Variants in TRIR observed in about 807,000 individuals in gnomAD.
The protein encoded by TRIR is telomerase RNA component-interacting RNase.
A neutral mutation model predicts 18.2 loss-of-function variants in TRIR; 5 were observed. The observed-to-expected ratio is 0.27, with a 90% CI of 0.14 to 0.58. TRIR has a LOEUF of 0.58. Ranked by LOEUF, TRIR falls within the 20% of genes least tolerant of loss-of-function variation. The pLI, the probability that TRIR is intolerant of heterozygous loss-of-function variation, is 0.91. For synonymous variants in TRIR, 134 were observed against 114.4 expected (o/e 1.17, Z -1.10); for missense variants, 206 against 252.8 (o/e 0.81, Z 1.25).
Position 12,731,595 on chromosome 19 carries a change from G to A in TRIR, c.346-174C>T, listed in dbSNP as rs757943852. ...CAGAGAGGAGCACACGCGACTCAGCGCCTGCCCTGGGCCCGCGGTGCCCTC... is the reference window on the plus strand; with the variant it reads ...CAGAGAGGAGCACACGCGACTCAGCACCTGCCCTGGGCCCGCGGTGCCCTC... On this transcript the variant is annotated intron_variant, in intron 1 of 2. Coordinates refer to ENST00000242784, the MANE Select transcript of TRIR (RefSeq NM_024038.4). This position sits in a 1 kb window ranked among gnomAD's most constrained non-coding sequence, Gnocchi z 5.1. 3.1e-5 allele frequency: 20 copies of A among 653,656 alleles called. No individual in the cohort carries two copies. Among genetic ancestry groups the A allele is most frequent in the South Asian group, 5.8e-5 (3 of 51,834 alleles). 40.5% of individuals were successfully genotyped at this position (653,656 alleles called of 1,614,324 possible).
In TRIR at chr19:12,730,747, G is replaced by A. The variant is rs1336427297; in HGVS notation, c.*214C>T. Reference sequence around the variant, plus strand: ...GCCAGAGAGAATGAGGAGGTGAGAAGGGGGGGACAGTAAACCACTGTTCTA... The same window carrying A: ...GCCAGAGAGAATGAGGAGGTGAGAAAGGGGGGACAGTAAACCACTGTTCTA... On this transcript the variant is annotated 3_prime_UTR_variant, in exon 3 of 3. Coordinates refer to ENST00000242784, the MANE Select transcript of TRIR (RefSeq NM_024038.4). 8.5e-6 allele frequency: 5 copies of A among 588,472 alleles called. No homozygotes were observed. In the East Asian group the frequency reaches 1.4e-4, roughly 17 times the overall value. The allele number at this position is 588,472 out of a possible 1,614,324, so 36.5% of individuals were successfully genotyped here.
intron 1 of TRIR, among the ~76,000 whole-genome samples, chr19:12,732,496 A>C (rs1013984228): frequency 6.6e-6 from 1 of 151,608 alleles, no homozygotes. Flanking sequence ...CCTGTATCCC[A>C]CCTTCTCCCA....
In TRIR at chr19:12,734,515, C is replaced by T. The variant is rs1257343547; in HGVS notation, c.143G>A (p.Gly48Asp). 3 of 1,536,346 alleles carry T rather than the reference C, an allele frequency of 2.0e-6. No individual in the cohort carries two copies. Among genetic ancestry groups the T allele is most frequent in the East Asian group, 5.1e-5 (2 of 39,380 alleles). Residue 48 changes from glycine to aspartate, a missense_variant, in exon 1 of 3, where the codon GGT (glycine) becomes GAT (aspartate). Gly to Asp is a moderately conservative substitution (Grantham distance 94). Around this residue, in one of 2 missense-constraint regions of TRIR, gnomAD observed 172 missense variants for 165.0 expected, o/e 1.04. Transcript: ENST00000242784. This position sits in a 1 kb window ranked among gnomAD's most constrained non-coding sequence, Gnocchi z 4.1. ...CACGCCGCCCGACACCGGGCTCGAA[C>T]CCGCGCCCGACACCTCCTCGTCCCC... The part of the protein sequence containing the change: ...ESGDEEVSGA[G>D]SSPVSGGVNL...
At chr19:12,733,601 G>A (rs1967474165) in intron 1 of TRIR, among the ~76,000 whole-genome samples, 2 of 152,150 alleles carry the variant, frequency 1.3e-5, no homozygotes, top group South Asian at 4.1e-4. Context: ...AAATGTGGGG[G>A]TGGAGGGAAC....
At chr19:12,732,536 C>T (rs1275933818) in intron 1 of TRIR, among the ~76,000 whole-genome samples, 2 of 152,104 alleles carry the variant, frequency 1.3e-5, no homozygotes, top group East Asian at 3.8e-4. Flanking sequence ...GCTCCAGGGG[C>T]TCCAACAGTC....
chr19:12,732,801 G>A (rs1967460141), intron 1 of TRIR, among the ~76,000 whole-genome samples: 1 of 152,072 alleles, frequency 6.6e-6, no homozygotes, highest in African/African-American at 2.4e-5. Flanking sequence ...CGTTGGCCAG[G>A]CTGGTCTTGA....
chr19:12,730,784 G>A lies in TRIR; in HGVS notation c.*177C>T, dbSNP rs760479556. ...AAACCACTGTTCTATGAAGTCTCAC[G>A]AGGCAAGTGCTCAAGGTAAAAAAAG... On this transcript the variant is annotated 3_prime_UTR_variant, in exon 3 of 3. Coordinates refer to ENST00000242784, the MANE Select transcript of TRIR (RefSeq NM_024038.4). The A allele has an allele frequency of 1.9e-5, 12 of 620,760 alleles. No homozygotes were observed. Among genetic ancestry groups the A allele is most frequent in the Middle Eastern group, 4.4e-4 (1 of 2,290 alleles). 38.5% of individuals were successfully genotyped at this position (620,760 alleles called of 1,614,324 possible).
At chr19:12,733,082 T>C (rs1370678470) in intron 1 of TRIR, among the ~76,000 whole-genome samples, 1 of 151,884 alleles carries the variant, frequency 6.6e-6, no homozygotes, top group Non-Finnish European at 1.5e-5. Context: ...ATTTTTTAAT[T>C]TTTTTTTGTA....
rs1967420753 is a variant in TRIR, at chr19:12,731,158, C to G, written c.424-90G>C. On this transcript the variant is annotated intron_variant, in intron 2 of 2. Coordinates refer to ENST00000242784, the MANE Select transcript of TRIR (RefSeq NM_024038.4). The surrounding 1 kb of genome is among the most constrained non-coding windows in gnomAD (Gnocchi z 5.1). Reference sequence around the variant, plus strand: ...CAGGTGACCCATTCCCAGTGTCACCCAGAAGACTCTGGGTTTGAGCTGAAG... The same window carrying G: ...CAGGTGACCCATTCCCAGTGTCACCGAGAAGACTCTGGGTTTGAGCTGAAG... The G allele has an allele frequency of 3.8e-6, 5 of 1,313,096 alleles. No homozygotes were observed. The Admixed American group carries it at 6.8e-5, about 18-fold the overall frequency. The allele number at this position is 1,313,096 out of a possible 1,614,324, so 81.3% of individuals were successfully genotyped here.
Position 12,734,625 on chromosome 19 carries a change from C to T in TRIR, c.33G>A (p.Gln11=), listed in dbSNP as rs1265074918. 6 of 1,514,824 alleles carry T rather than the reference C, an allele frequency of 4.0e-6. No individual in the cohort carries two copies. The South Asian group carries it at 6.1e-5, about 15-fold the overall frequency. The allele number at this position is 1,514,824 out of a possible 1,614,324, so 93.8% of individuals were successfully genotyped here. MAARGRRAEP[Q]GREAPGPAGG... ...CCGCGGGGCCCGGAGCCTCCCGGCC[C>T]TGAGGCTCCGCCCGTCTCCCTCGGG... Residue 11 remains glutamine, a synonymous_variant, in exon 1 of 3, where the codon CAG becomes CAA. Transcript: ENST00000242784. This position sits in a 1 kb window ranked among gnomAD's most constrained non-coding sequence, Gnocchi z 4.1.
At chr19:12,732,785 T>G (rs1967459680) in intron 1 of TRIR, among the ~76,000 whole-genome samples, 2 of 152,140 alleles carry the variant, frequency 1.3e-5, no homozygotes, top group African/African-American at 4.8e-5. Context: ...AGTCAGGGTT[T>G]CACCACGTTG....
At position 12,731,253 on chromosome 19, in the gene TRIR, C is replaced by T; in HGVS notation, c.423+91G>A. Reference sequence around the variant, plus strand: ...CCCTGCCAGGCACACTCATAAAAGGCCTGGATACCAGACAGGGAGGGAGAA... The same window carrying T: ...CCCTGCCAGGCACACTCATAAAAGGTCTGGATACCAGACAGGGAGGGAGAA... On this transcript the variant is annotated intron_variant, in intron 2 of 2. Transcript: ENST00000242784. This position sits in a 1 kb window ranked among gnomAD's most constrained non-coding sequence, Gnocchi z 5.1. The T allele has an allele frequency of 1.3e-6, 2 of 1,493,244 alleles. No homozygotes were observed. Among genetic ancestry groups the T allele is most frequent in the Non-Finnish European group, 1.9e-6 (2 of 1,074,244 alleles). The allele number at this position is 1,493,244 out of a possible 1,614,324, so 92.5% of individuals were successfully genotyped here.
At chr19:12,732,561 G>C (rs986372449) in intron 1 of TRIR, among the ~76,000 whole-genome samples, 7 of 151,974 alleles carry the variant, frequency 4.6e-5, no homozygotes, top group African/African-American at 1.7e-4. Context: ...CAGACAACCA[G>C]GCATTCAGTA....
intron 1 of TRIR, among the ~76,000 whole-genome samples, chr19:12,732,740 C>T (rs1967458281): frequency 6.6e-6 from 1 of 152,082 alleles, no homozygotes; most frequent in Admixed American, 6.6e-5. Context: ...CAGGTATGCA[C>T]CACCATGCCT....
In TRIR at chr19:12,734,381, G is replaced by T; in HGVS notation, c.277C>A (p.Gln93Lys). The T allele has an allele frequency of 2.0e-6, 3 of 1,494,614 alleles. No homozygotes were observed. The highest frequency in any genetic ancestry group is 2.7e-6 in the Non-Finnish European group (3 of 1,123,208). 92.6% of individuals were successfully genotyped at this position (1,494,614 alleles called of 1,614,324 possible). A position where few individuals can be genotyped will look rare whatever the true frequency, so the allele number is the denominator to read the frequency against. The stretch of plus-strand genomic sequence containing the variant: ...CCGGGGCCAGCGGCGGCGGCCGACT[G>T]GTCGGGTCGCTGCGGACCCGGGGGC... ...EPPPGPQRPD[Q>K]SAAAAGPGDP... The change falls in exon 1 of 3, where the codon CAG (glutamine) becomes AAG (lysine). Residue 93 changes from glutamine to lysine, a missense_variant. By Grantham distance (53) the Gln-to-Lys change is moderately conservative. Around this residue, in one of 2 missense-constraint regions of TRIR, gnomAD observed 172 missense variants for 165.0 expected, o/e 1.04. Transcript: ENST00000242784. The surrounding 1 kb of genome is among the most constrained non-coding windows in gnomAD (Gnocchi z 4.1).
Position 12,734,185 on chromosome 19 carries a change from CG to C in TRIR, c.345+127del. ...GGGAATCCAAGTTCCACACCCTCAG[CG>C]GGTGACCCGGACGGGCCCCTCATTC... On this transcript the variant is annotated intron_variant, in intron 1 of 2. Coordinates refer to ENST00000242784, the MANE Select transcript of TRIR (RefSeq NM_024038.4). This position sits in a 1 kb window ranked among gnomAD's most constrained non-coding sequence, Gnocchi z 4.1. The C allele has an allele frequency of 3.1e-6, 3 of 978,616 alleles. No homozygotes were observed. Among genetic ancestry groups the C allele is most frequent in the Non-Finnish European group, 4.2e-6 (3 of 713,424 alleles). The allele number at this position is 978,616 out of a possible 1,614,324, so 60.6% of individuals were successfully genotyped here. A position where few individuals can be genotyped will look rare whatever the true frequency, so the allele number is the denominator to read the frequency against.
chr19:12,734,364 AGCG>A lies in TRIR; in HGVS notation c.291_293del (p.Ala98del). On this transcript the variant is annotated inframe_deletion, in exon 1 of 3. Coordinates refer to ENST00000242784, the MANE Select transcript of TRIR (RefSeq NM_024038.4). The surrounding 1 kb of genome is among the most constrained non-coding windows in gnomAD (Gnocchi z 4.1). ...CCTTCCTCTTCGGATCCCCGGGGCC[AGCG>A]GCGGCGGCCGACTGGTCGGGTCGCT... 6.8e-7 allele frequency: 1 copy of A among 1,473,204 alleles called. No homozygotes were observed. Among genetic ancestry groups the A allele is most frequent in the Admixed American group, 2.5e-5 (1 of 40,482 alleles). The allele number at this position is 1,473,204 out of a possible 1,614,324, so 91.3% of individuals were successfully genotyped here. A position where few individuals can be genotyped will look rare whatever the true frequency, so the allele number is the denominator to read the frequency against.
intron 1 of TRIR, among the ~76,000 whole-genome samples, chr19:12,733,940 G>C (rs1381695589): frequency 1.3e-5 from 2 of 152,222 alleles, no homozygotes; most frequent in East Asian, 3.8e-4. Flanking sequence ...CGTGGTCTGA[G>C]TCTAACACAT....
chr19:12,731,056 T>G lies in TRIR; in HGVS notation c.436A>C (p.Lys146Gln). 12 of 1,613,660 alleles carry G rather than the reference T, an allele frequency of 7.4e-6. No individual in the cohort carries two copies. The highest frequency in any genetic ancestry group is 1.0e-5 in the Non-Finnish European group (12 of 1,179,662). Residue 146 changes from lysine (K) to glutamine (Q), a missense_variant, in exon 3 of 3, where the codon AAA (lysine) becomes CAA (glutamine). Lys to Gln is a moderately conservative substitution (Grantham distance 53, BLOSUM62 1). Around this residue, in one of 2 missense-constraint regions of TRIR, gnomAD observed 34 missense variants for 87.8 expected, o/e 0.39. Coordinates refer to ENST00000242784, the MANE Select transcript of TRIR (RefSeq NM_024038.4). This position sits in a 1 kb window ranked among gnomAD's most constrained non-coding sequence, Gnocchi z 5.1. ...QKTEDEVLTS[K>Q]GDAWAKYMAE... ...ATGTACTTGGCCCACGCGTCACCTT[T>G]ACTTGTTAATACCTGTGGAAAGGGG...
Sources: gnomAD v4.1 joint callset for allele counts (sites outside exome capture counted in the v4.1 genomes callset) on GRCh38, gnomAD v4.1.1 for gene constraint, gnomAD v4.1.1 regional missense constraint, Gnocchi (gnomAD v3.1) non-coding constraint, MANE v1.5 for transcripts, NCBI Gene and HGNC (gene_info 2026-07-23, HGNC 2026-07-21) for gene names.